The following ANO6 variants were observed in gnomAD, a reference collection of about 807,000 sequenced individuals.
ANO6 encodes the protein anoctamin 6.
Under a neutral mutation model 117.5 loss-of-function variants are expected in ANO6, and 106 were observed. The observed-to-expected ratio is 0.90, with a 90% CI of 0.77 to 1.06. ANO6 has a LOEUF of 1.06. ANO6 is among the 50% of genes least tolerant of loss of function. The pLI is 0.00. For synonymous variants in ANO6, 367 were observed against 385.1 expected (o/e 0.95, Z 0.55); for missense variants, 955 against 1,121.1 (o/e 0.85, Z 2.12).
intron 1 of ANO6, among the ~76,000 whole-genome samples, chr12:45,227,505 T>C (rs1371161022): frequency 6.6e-6 from 1 of 152,132 alleles, no homozygotes; most frequent in Non-Finnish European, 1.5e-5. Context: ...TTCAGTCCTG[T>C]GTGGTTGCTG....
At chr12:45,285,667 T>G (rs1034480151) in intron 1 of ANO6, among the ~76,000 whole-genome samples, 7 of 149,326 alleles carry the variant, frequency 4.7e-5, no homozygotes, top group Non-Finnish European at 8.9e-5. Context: ...AGGCAGAGGT[T>G]GCAGTGAGCC....
downstream of ANO6, among the ~76,000 whole-genome samples, chr12:45,435,555 T>A (rs1405509717): frequency 1.3e-5 from 2 of 152,216 alleles, no homozygotes; most frequent in African/African-American, 2.4e-5. Flanking sequence ...CTACCCTGCA[T>A]ATTGTAAATG....
Position 45,247,883 on chromosome 12 carries a change from C to T in ANO6, c.70+31492C>T, listed in dbSNP as rs560497099. Among the ~76,000 whole-genome samples the T allele has an allele frequency of 4.4e-4, 67 of 152,286 alleles. 3 individuals carry two copies. In the South Asian group the frequency reaches 0.013, roughly 29 times the overall value. On this transcript the variant is annotated intron_variant, in intron 1 of 19. Transcript: ENST00000320560. ...CTGGGGGTTAGAGCTTCAACATATA[C>T]ATTTGGAAGGACACAGTTCAGTTCA...
chr12:45,377,983 G>A (rs1942073417), intron 9 of ANO6, 70 bp from the exon 10 acceptor site: 16 of 1,418,140 alleles, frequency 1.1e-5, no homozygotes, highest in Non-Finnish European at 1.6e-5. Flanking sequence ...AATAGACAAA[G>A]CATTTCATAT....
At chr12:45,309,003 T>A (rs1057158604) in intron 2 of ANO6, among the ~76,000 whole-genome samples, 1 of 152,042 alleles carries the variant, frequency 6.6e-6, no homozygotes, top group Admixed American at 6.5e-5. Flanking sequence ...GAGGGGCCCC[T>A]GGGGTCTTGT....
chr12:45,246,453 G>A (rs1012444864), intron 1 of ANO6, among the ~76,000 whole-genome samples: 1 of 152,164 alleles, frequency 6.6e-6, no homozygotes, highest in Non-Finnish European at 1.5e-5. Context: ...CTAACTGCGA[G>A]GAAAGAGCAA....
At chr12:45,328,768 T>G (rs978088843) in intron 2 of ANO6, among the ~76,000 whole-genome samples, 2 of 152,194 alleles carry the variant, frequency 1.3e-5, no homozygotes, top group Non-Finnish European at 2.9e-5. Flanking sequence ...TTTTTTCCCT[T>G]TGTGTTCTTC....
intron 1 of ANO6, among the ~76,000 whole-genome samples, chr12:45,244,452 A>G (rs11182939): frequency 0.21 from 28,161 of 136,330 alleles, 4,720 homozygotes; most frequent in African/African-American, 0.46. Context: ...CTGGAGGAGG[A>G]GTATTGTTGA....
intron 3 of ANO6, among the ~76,000 whole-genome samples, chr12:45,344,049 G>A (rs1008700853): frequency 2.6e-5 from 4 of 152,106 alleles, no homozygotes; most frequent in Admixed American, 2.6e-4. Context: ...TAATGGATGT[G>A]GGCTCTTGTA....
At chr12:45,229,982 A>G (rs1057016575) in intron 1 of ANO6, among the ~76,000 whole-genome samples, 1 of 151,668 alleles carries the variant, frequency 6.6e-6, no homozygotes, top group Non-Finnish European at 1.5e-5. Flanking sequence ...ATGGTGCCTG[A>G]TACAGTGAAA....
chr12:45,342,665 C>T (rs1375935295), intron 3 of ANO6, among the ~76,000 whole-genome samples: 2 of 152,176 alleles, frequency 1.3e-5, no homozygotes, highest in Non-Finnish European at 2.9e-5. Context: ...AACAGGCAGT[C>T]ATCGATCCAC....
chr12:45,376,041 GGATATGAACA>G (rs1438144071), intron 9 of ANO6, among the ~76,000 whole-genome samples: 1 of 150,828 alleles, frequency 6.6e-6, no homozygotes, highest in Non-Finnish European at 1.5e-5. Flanking sequence ...AGTGGGTGAA[GGATATGAACA>G]GACACTTCTC....
chr12:45,249,702 G>T (rs1947874542), intron 1 of ANO6, among the ~76,000 whole-genome samples: 1 of 152,204 alleles, frequency 6.6e-6, no homozygotes, highest in Non-Finnish European at 1.5e-5. Flanking sequence ...TTAGAGAAAA[G>T]CTTCTTCTGG....
chr12:45,370,953 C>T (rs910348622), intron 9 of ANO6, among the ~76,000 whole-genome samples: 7 of 152,094 alleles, frequency 4.6e-5, no homozygotes, highest in African/African-American at 1.4e-4. Context: ...AGGTACCGGG[C>T]TCATCTCACT....
At chr12:45,248,700 G>A (rs11182941) in intron 1 of ANO6, among the ~76,000 whole-genome samples, 8,643 of 152,124 alleles carry the variant, frequency 0.057, 468 homozygotes, top group East Asian at 0.29. Context: ...TTATAGGTGT[G>A]AGCCTCCACG....
At chr12:45,223,402 G>T (rs1193048871) in intron 1 of ANO6, among the ~76,000 whole-genome samples, 3 of 152,188 alleles carry the variant, frequency 2.0e-5, no homozygotes, top group South Asian at 2.1e-4. Context: ...TTGCTGGGGA[G>T]AAATCCTTGC....
At chr12:45,433,498 GA>G (rs1293306903), downstream of ANO6, among the ~76,000 whole-genome samples, 1 of 152,194 alleles carries the variant, frequency 6.6e-6, no homozygotes, top group Non-Finnish European at 1.5e-5. Context: ...AAATCCTGGG[GA>G]AATGTAGATT....
At chr12:45,323,041 C>T (rs554998347) in intron 2 of ANO6, among the ~76,000 whole-genome samples, 19 of 152,340 alleles carry the variant, frequency 1.2e-4, no homozygotes, top group Admixed American at 7.8e-4. Flanking sequence ...CTTCCTCCTA[C>T]CTTCTCTGGC....
intron 9 of ANO6, among the ~76,000 whole-genome samples, chr12:45,373,610 T>A (rs1941912828): frequency 6.6e-6 from 1 of 152,130 alleles, no homozygotes; most frequent in African/African-American, 2.4e-5. Flanking sequence ...CCTGAATGAC[T>A]ACTGGGTACA....
Sources: allele counts gnomAD v4.1 joint callset (sites outside exome capture counted in the v4.1 genomes callset), GRCh38; gene constraint gnomAD v4.1.1; transcripts MANE v1.5; gene names NCBI Gene and HGNC (gene_info 2026-07-23, HGNC 2026-07-21).